BAZ2B: variants seen among roughly 807,000 people sequenced by gnomAD.
BAZ2B encodes the protein bromodomain adjacent to zinc finger domain protein 2B.
In BAZ2B, 91 loss-of-function variants were observed where a neutral mutation model predicts 246.0. The ratio of observed to expected loss-of-function variants is 0.37; its 90% CI spans 0.31 to 0.44. The LOEUF (loss-of-function observed/expected upper bound fraction) is 0.44. BAZ2B is among the 20% of genes least tolerant of loss of function. BAZ2B has a pLI of 1.00. For missense variants in BAZ2B, 2,332 were observed against 2,533.7 expected, an observed-to-expected ratio of 0.92 and a Z score of 1.71; for synonymous variants, 855 against 860.0, an observed-to-expected ratio of 0.99 and a Z score of 0.10.
intron 2 of BAZ2B, among the ~76,000 whole-genome samples, chr2:159,549,411 A>G (rs1217702789): frequency 6.6e-6 from 1 of 152,184 alleles, no homozygotes; most frequent in Non-Finnish European, 1.5e-5. Context: ...AGTCTAGACC[A>G]CGTGTCTCAC....
chr2:159,510,308 C>T (rs546541596), intron 2 of BAZ2B, among the ~76,000 whole-genome samples: 11 of 152,154 alleles, frequency 7.2e-5, no homozygotes, highest in Admixed American at 1.3e-4. Context: ...GGACCACAGG[C>T]GTGTGCCACC....
upstream of BAZ2B, among the ~76,000 whole-genome samples, chr2:159,620,515 G>A (rs1422513211): frequency 6.6e-6 from 1 of 152,130 alleles, no homozygotes; most frequent in Non-Finnish European, 1.5e-5. Context: ...GAATAAAGAG[G>A]ATGAGGCAAC....
At chr2:159,583,790 G>A (rs554504220) in intron 1 of BAZ2B, among the ~76,000 whole-genome samples, 10 of 152,242 alleles carry the variant, frequency 6.6e-5, no homozygotes, top group African/African-American at 2.4e-4. Context: ...CAGGGCAGAC[G>A]GTTTATTTTT....
In BAZ2B at chr2:159,428,039, G is replaced by T; in HGVS notation, c.2368C>A (p.Leu790Ile). The T allele has an allele frequency of 6.2e-7, 1 of 1,612,140 alleles. No individual in the cohort carries two copies. The highest frequency in any genetic ancestry group is 8.5e-7 in the Non-Finnish European group (1 of 1,178,708). The change falls in exon 13 of 37, where the codon CTC becomes ATC. Residue 790 changes from leucine to isoleucine, a missense_variant. Coordinates refer to ENST00000392783, the MANE Select transcript of BAZ2B (RefSeq NM_013450.4). ...ATATCCATTATTCCATTTCTGCTGAGATACTGAAAAAATCACATATTTTTC... is the reference window on the plus strand; with the variant it reads ...ATATCCATTATTCCATTTCTGCTGATATACTGAAAAAATCACATATTTTTC... ...LRQYPEVIKY[L>I]SRNGIMDISR...
chr2:159,436,624 G>A (rs537612216), intron 8 of BAZ2B, among the ~76,000 whole-genome samples: 326 of 152,258 alleles, frequency 2.1e-3, no homozygotes, highest in Non-Finnish European at 3.9e-3. Context: ...GGTGGCGGGC[G>A]CCTGTAGTCC....
intron 25 of BAZ2B, among the ~76,000 whole-genome samples, chr2:159,377,674 G>A (rs1028044035): frequency 7.9e-5 from 12 of 151,758 alleles, no homozygotes; most frequent in Non-Finnish European, 1.0e-4. Context: ...TTAGCTGGGC[G>A]TGGTGGCAGG....
the BAZ2B span, among the ~76,000 whole-genome samples, chr2:159,677,241 T>C: frequency 1.3e-5 from 2 of 151,696 alleles, no homozygotes; most frequent in Admixed American, 6.6e-5. Flanking sequence ...ATTTTAAAGA[T>C]AAGAAAGAGG....
chr2:159,603,066 G>A (rs1692545390), intron 1 of BAZ2B, among the ~76,000 whole-genome samples: 1 of 152,218 alleles, frequency 6.6e-6, no homozygotes, highest in South Asian at 2.1e-4. Context: ...GAAACCAGCA[G>A]GCGGAGGTTG....
chr2:159,518,841 G>A (rs1388872774), intron 2 of BAZ2B, among the ~76,000 whole-genome samples: 1 of 152,014 alleles, frequency 6.6e-6, no homozygotes, highest in Non-Finnish European at 1.5e-5. Context: ...AATCAAAGTG[G>A]GAAACAAGAT....
At position 159,325,887 on chromosome 2, in the gene BAZ2B, A is replaced by G. The variant is rs762919636; in HGVS notation, c.5975T>C (p.Leu1992Pro). 4 of 1,588,830 alleles carry G rather than the reference A, an allele frequency of 2.5e-6. No individual in the cohort carries two copies. In the East Asian group the frequency reaches 9.0e-5, roughly 36 times the overall value. ...ASGQTLKIKK[L>P]HVKGKKTNES... ...ATTAGTCTTTTTTCCTTTGACATGA[A>G]GTTTTTTGATTTTTAGAGTTTGACC... The change falls in exon 35 of 37, where the codon CTT becomes CCT. Residue 1992 changes from leucine (L) to proline (P), a missense_variant. Physicochemically the swap from Leu to Pro is moderately conservative, Grantham distance 98. Around this residue, in one of 9 missense-constraint regions of BAZ2B, gnomAD observed 210 missense variants for 232.5 expected, o/e 0.90. Transcript: ENST00000392783.
At chr2:159,479,720 C>T (rs1416433678) in intron 2 of BAZ2B, among the ~76,000 whole-genome samples, 1 of 151,988 alleles carries the variant, frequency 6.6e-6, no homozygotes, top group Non-Finnish European at 1.5e-5. Flanking sequence ...CTAGTGTTTG[C>T]CTAATTGTTG....
At chr2:159,561,104 C>T (rs569240402) in intron 1 of BAZ2B, among the ~76,000 whole-genome samples, 1 of 152,216 alleles carries the variant, frequency 6.6e-6, no homozygotes, top group South Asian at 2.1e-4. Context: ...TGTTTGTACC[C>T]ACCAAATCTC....
intron 1 of BAZ2B, among the ~76,000 whole-genome samples, chr2:159,575,397 G>A (rs956205605): frequency 6.6e-6 from 1 of 152,112 alleles, no homozygotes; most frequent in Non-Finnish European, 1.5e-5. Flanking sequence ...CAATTCAACA[G>A]GCATGTATCA....
chr2:159,656,956 T>A, the BAZ2B span, among the ~76,000 whole-genome samples: 4 of 152,178 alleles, frequency 2.6e-5, no homozygotes, highest in Non-Finnish European at 5.9e-5. Flanking sequence ...ATTCTCTTAA[T>A]GGTGTCTTTT....
At chr2:159,466,267 T>C (rs1399586483) in intron 3 of BAZ2B, among the ~76,000 whole-genome samples, 1 of 152,242 alleles carries the variant, frequency 6.6e-6, no homozygotes, top group African/African-American at 2.4e-5. Flanking sequence ...CATAGTCACT[T>C]GATTATTACC....
chr2:159,347,681 T>G lies in BAZ2B; in HGVS notation c.5294-35A>C, dbSNP rs1252554455. The G allele has an allele frequency of 6.6e-6, 10 of 1,514,964 alleles. No individual in the cohort carries two copies. The Admixed American group carries it at 1.9e-4, about 29-fold the overall frequency. The allele number at this position is 1,514,964 out of a possible 1,614,324, so 93.8% of individuals were successfully genotyped here. ...AAAAGAAATTAATTTAAAAATCCAC[T>G]TATTAAGCTTTTCCCCACAGAGACC... On this transcript the variant is annotated intron_variant, in intron 30 of 36. Coordinates refer to ENST00000392783, the MANE Select transcript of BAZ2B (RefSeq NM_013450.4).
At chr2:159,352,481 T>C (rs2058666983) in intron 27 of BAZ2B, among the ~76,000 whole-genome samples, 1 of 151,638 alleles carries the variant, frequency 6.6e-6, no homozygotes, top group African/African-American at 2.4e-5. Context: ...GAGCAATGTC[T>C]ATATCTTTTT....
intron 1 of BAZ2B, among the ~76,000 whole-genome samples, chr2:159,565,780 AAAAAAAAAAAAAGG>A (rs1242973477): frequency 3.8e-5 from 2 of 52,208 alleles, no homozygotes; most frequent in Non-Finnish European, 1.2e-4. Flanking sequence ...CCCATCTCAA[AAAAAAAAAAAAAGG>A]AAAAAAAAAA....
the BAZ2B span, among the ~76,000 whole-genome samples, chr2:159,631,019 C>A: frequency 2.6e-5 from 4 of 151,940 alleles, no homozygotes; most frequent in Non-Finnish European, 5.9e-5. Flanking sequence ...CGTGGTGAAA[C>A]CCCAACTTTA....
Sources: allele counts gnomAD v4.1 joint callset (sites outside exome capture counted in the v4.1 genomes callset), GRCh38; gene constraint gnomAD v4.1.1; regional missense constraint gnomAD v4.1.1; transcripts MANE v1.5; gene names NCBI Gene and HGNC (gene_info 2026-07-23, HGNC 2026-07-21).